The following EXOC6B variants were observed in gnomAD, a reference collection of about 807,000 sequenced individuals.
EXOC6B encodes exocyst complex component 6B, also known as SEC15 homolog B.
Under a neutral mutation model 113.5 loss-of-function variants are expected in EXOC6B, and 54 were observed. That is an observed-to-expected ratio of 0.48 (90% CI 0.38 to 0.60). The LOEUF is 0.60. Among genes scored for constraint, EXOC6B ranks in the 20% least tolerant of loss-of-function variants. EXOC6B has a pLI of 0.00. For missense variants in EXOC6B, 797 were observed against 977.5 expected (o/e 0.82, Z 2.46); for synonymous variants, 357 against 339.0 (o/e 1.05, Z -0.58).
intron 8 of EXOC6B, among the ~76,000 whole-genome samples, chr2:72,537,844 T>C (rs1406991426): frequency 2.0e-5 from 3 of 152,246 alleles, no homozygotes; most frequent in East Asian, 1.9e-4. Context: ...TTGACAAAAA[T>C]TGATGTTATT....
intron 6 of EXOC6B, among the ~76,000 whole-genome samples, chr2:72,704,633 T>C (rs1395065452): frequency 1.3e-5 from 2 of 151,974 alleles, no homozygotes; most frequent in African/African-American, 4.8e-5. Context: ...CAATAAAAAA[T>C]GATAAAGGGG....
At chr2:72,694,536 T>A (rs1359662537) in intron 6 of EXOC6B, among the ~76,000 whole-genome samples, 1 of 152,212 alleles carries the variant, frequency 6.6e-6, no homozygotes, top group Non-Finnish European at 1.5e-5. Flanking sequence ...TTCTTCCACC[T>A]CCATATTTTT....
At chr2:72,278,526 T>C (rs1339598336) in intron 20 of EXOC6B, among the ~76,000 whole-genome samples, 1 of 152,212 alleles carries the variant, frequency 6.6e-6, no homozygotes, top group Non-Finnish European at 1.5e-5. Context: ...TTGTTCCTTC[T>C]CAATCAACAA....
intron 1 of EXOC6B, among the ~76,000 whole-genome samples, chr2:72,758,100 C>CCACT (rs1475548763): frequency 6.8e-6 from 1 of 146,550 alleles, no homozygotes; most frequent in East Asian, 2.0e-4. Context: ...CAGGTCGAGG[C>CCACT]TGCAGTGAGC....
At chr2:72,691,998 T>C (rs1416129857) in intron 6 of EXOC6B, among the ~76,000 whole-genome samples, 1 of 152,054 alleles carries the variant, frequency 6.6e-6, no homozygotes, top group Non-Finnish European at 1.5e-5. Context: ...TTCCCCTCTT[T>C]ATTCTCTCCA....
chr2:72,692,358 T>TC (rs1677552246), intron 6 of EXOC6B, among the ~76,000 whole-genome samples: 1 of 151,410 alleles, frequency 6.6e-6, no homozygotes, highest in African/African-American at 2.4e-5. Context: ...CATATTCTTT[T>TC]TTTTTTTTTT....
At position 72,718,136 on chromosome 2, in the gene EXOC6B, A is replaced by C; in HGVS notation, c.636T>G (p.His212Gln). ...LKDFLESIRK[H>Q]SDKIGETAMK... is the part of the protein sequence containing the mutation. ...TGGCAGTCTCTCCAATTTTGTCTGA[A>C]TGTTTGCGGATGCTCTCCAGAAAGT... Residue 212 changes from histidine to glutamine, a missense_variant, in exon 6 of 22, where the codon CAT becomes CAG. Transcript: ENST00000272427. 6.2e-7 allele frequency: 1 copy of C among 1,613,234 alleles called. No homozygotes were observed. Among genetic ancestry groups the C allele is most frequent in the Non-Finnish European group, 8.5e-7 (1 of 1,179,490 alleles).
intron 19 of EXOC6B, among the ~76,000 whole-genome samples, chr2:72,338,803 C>T (rs1044614094): frequency 1.8e-4 from 28 of 151,902 alleles, no homozygotes; most frequent in African/African-American, 6.8e-4. Flanking sequence ...AAGGCTGCTA[C>T]AGACAGGAAG....
intron 6 of EXOC6B, among the ~76,000 whole-genome samples, chr2:72,584,980 T>C (rs1207110486): frequency 6.6e-6 from 1 of 152,048 alleles, no homozygotes; most frequent in Non-Finnish European, 1.5e-5. Flanking sequence ...AGACACAACA[T>C]ACCAAGATAT....
intron 17 of EXOC6B, among the ~76,000 whole-genome samples, chr2:72,475,041 C>A (rs1011564534): frequency 6.6e-5 from 10 of 152,228 alleles, no homozygotes; most frequent in African/African-American, 2.4e-4. Flanking sequence ...TCTATAATTT[C>A]TTCAGTGGCT....
At chr2:72,763,274 C>A (rs1682851341) in intron 1 of EXOC6B, among the ~76,000 whole-genome samples, 1 of 152,014 alleles carries the variant, frequency 6.6e-6, no homozygotes, top group Non-Finnish European at 1.5e-5. Flanking sequence ...ACTTCCATTT[C>A]CCCCTTCCTG....
chr2:72,256,312 T>G (rs558810212), intron 20 of EXOC6B, among the ~76,000 whole-genome samples: 1 of 152,316 alleles, frequency 6.6e-6, no homozygotes, highest in African/African-American at 2.4e-5. Flanking sequence ...ATGGGTAATT[T>G]GTTATGGCAG....
At chr2:72,743,219 CAA>C (rs1238939741) in intron 1 of EXOC6B, among the ~76,000 whole-genome samples, 1 of 152,148 alleles carries the variant, frequency 6.6e-6, no homozygotes, top group African/African-American at 2.4e-5. Flanking sequence ...CACAATGGAC[CAA>C]TGCAACAGCC....
chr2:72,800,181 T>C (rs1685201631), intron 1 of EXOC6B, among the ~76,000 whole-genome samples: 1 of 152,222 alleles, frequency 6.6e-6, no homozygotes, highest in African/African-American at 2.4e-5. Flanking sequence ...TTTTTTCAAG[T>C]ATCTGTAAAG....
chr2:72,511,206 A>C (rs1215630276), intron 11 of EXOC6B, among the ~76,000 whole-genome samples: 1 of 152,150 alleles, frequency 6.6e-6, no homozygotes, highest in Non-Finnish European at 1.5e-5. Flanking sequence ...TCCTCTTTGG[A>C]TCAAACCCAC....
At chr2:72,738,386 T>A (rs959733297) in intron 2 of EXOC6B, among the ~76,000 whole-genome samples, 1 of 152,226 alleles carries the variant, frequency 6.6e-6, no homozygotes, top group Non-Finnish European at 1.5e-5. Flanking sequence ...CCATATCTCA[T>A]AAGCATCTCT....
At chr2:72,341,436 C>T (rs2104906790) in intron 19 of EXOC6B, among the ~76,000 whole-genome samples, 1 of 152,184 alleles carries the variant, frequency 6.6e-6, no homozygotes, top group South Asian at 2.1e-4. Context: ...TGAAGAAAGA[C>T]ATTCTATGGT....
chr2:72,434,853 C>T (rs1695755988), intron 18 of EXOC6B, among the ~76,000 whole-genome samples: 2 of 152,114 alleles, frequency 1.3e-5, no homozygotes, highest in South Asian at 2.1e-4. Context: ...TTTCAAAAAA[C>T]CAGCTCTTGG....
At position 72,650,038 on chromosome 2, in the gene EXOC6B, G is replaced by C. The variant is rs905179904; in HGVS notation, c.669+68065C>G. 1.5e-4 allele frequency among the ~76,000 whole-genome samples: 23 copies of C among 152,326 alleles called. 2 individuals are homozygous for C. The highest frequency in any genetic ancestry group is 4.6e-4 in the African/African-American group (19 of 41,582). ...CTGTTAGGAACTGGGCGCGGGGCACGACATGAGCAGCTGGCCAGTGAGCAT... is the reference window on the plus strand; with the variant it reads ...CTGTTAGGAACTGGGCGCGGGGCACCACATGAGCAGCTGGCCAGTGAGCAT... On this transcript the variant is annotated intron_variant, in intron 6 of 21. Transcript: ENST00000272427.
Sources: gnomAD v4.1 joint callset for allele counts (sites outside exome capture counted in the v4.1 genomes callset) on GRCh38, gnomAD v4.1.1 for gene constraint, MANE v1.5 for transcripts, NCBI Gene and HGNC (gene_info 2026-07-23, HGNC 2026-07-21) for gene names.